Variants in ADAM10 observed in about 807,000 individuals in gnomAD.
ADAM10 encodes the protein disintegrin and metalloproteinase domain-containing protein 10.
A neutral mutation model predicts 90.1 loss-of-function variants in ADAM10; 17 were observed. That is an observed-to-expected ratio of 0.19 (90% CI 0.13 to 0.28). The LOEUF is 0.28. Ranked by LOEUF, ADAM10 falls within the 10% of genes least tolerant of loss-of-function variation. ADAM10 has a pLI of 1.00. For synonymous variants in ADAM10, 310 were observed against 298.6 expected (o/e 1.04, Z -0.40); for missense variants, 610 against 914.3 (o/e 0.67, Z 4.29).
chr15:58,641,051 C>A, intron 7 of ADAM10, 91 bp from the exon 8 acceptor site: 1 of 1,205,562 alleles, frequency 8.3e-7, no homozygotes, highest in East Asian at 2.5e-5. Flanking sequence ...TACACCTGGA[C>A]AATATGCTCC....
intron 5 of ADAM10, among the ~76,000 whole-genome samples, chr15:58,653,709 G>C (rs1053180060): frequency 6.6e-6 from 1 of 152,108 alleles, no homozygotes; most frequent in Non-Finnish European, 1.5e-5. Flanking sequence ...TTTGGTATCA[G>C]AGTAATACTG....
At chr15:58,706,274 G>A (rs1898285012) in intron 2 of ADAM10, among the ~76,000 whole-genome samples, 1 of 152,162 alleles carries the variant, frequency 6.6e-6, no homozygotes, top group Admixed American at 6.5e-5. Flanking sequence ...GAGTAATCCA[G>A]GAGTCCCAGA....
chr15:58,595,165 G>C lies in ADAM10; in HGVS notation c.*2382C>G, dbSNP rs1434945100. On this transcript the variant is annotated 3_prime_UTR_variant, in exon 16 of 16. Coordinates refer to ENST00000260408, the MANE Select transcript of ADAM10 (RefSeq NM_001110.4). ...CACCTCTTCCACCAAGACAAGCACT[G>C]AATATTGATTAGAAACAATGTAATG... 6.6e-6 allele frequency: 1 copy of C among 152,016 alleles called. No individual in the cohort carries two copies. The highest frequency in any genetic ancestry group is 2.4e-5 in the African/African-American group (1 of 41,406). The allele number at this position is 152,016 out of a possible 1,614,324, so 9.4% of individuals were successfully genotyped here.
intron 8 of ADAM10, among the ~76,000 whole-genome samples, chr15:58,636,965 G>A (rs1037977019): frequency 4.6e-5 from 7 of 152,170 alleles, no homozygotes; most frequent in African/African-American, 1.7e-4. Flanking sequence ...ACATGCAATG[G>A]GTAGGGATCA....
At chr15:58,717,895 G>A (rs1898718528) in intron 1 of ADAM10, among the ~76,000 whole-genome samples, 168 bp from the exon 2 acceptor site, 1 of 152,110 alleles carries the variant, frequency 6.6e-6, no homozygotes, top group Non-Finnish European at 1.5e-5. Context: ...AAAACTTATT[G>A]TGAGGGTAAT....
intron 5 of ADAM10, among the ~76,000 whole-genome samples, chr15:58,647,246 GTATTTT>G (rs1896570786): frequency 2.7e-5 from 1 of 36,828 alleles, no homozygotes; most frequent in African/African-American, 7.4e-5. Context: ...TAGACACTAA[GTATTTT>G]TTTTTTTTTT....
chr15:58,676,899 G>A (rs559842966), intron 4 of ADAM10, among the ~76,000 whole-genome samples: 8 of 152,112 alleles, frequency 5.3e-5, no homozygotes, highest in Non-Finnish European at 8.8e-5. Context: ...GGCTGTTCTC[G>A]TGCTACAATG....
intron 11 of ADAM10, among the ~76,000 whole-genome samples, chr15:58,615,637 G>A (rs1452176092): frequency 6.6e-6 from 1 of 152,102 alleles, no homozygotes; most frequent in Non-Finnish European, 1.5e-5. Context: ...AACAGAAGAA[G>A]ATATTTCACT....
At chr15:58,714,918 A>C (rs1179207889) in intron 2 of ADAM10, among the ~76,000 whole-genome samples, 2 of 152,156 alleles carry the variant, frequency 1.3e-5, no homozygotes, top group African/African-American at 4.8e-5. Context: ...GCCTATTTTC[A>C]AGGAAAGGGA....
intron 4 of ADAM10, 73 bp downstream of exon 4, chr15:58,679,051 C>T: frequency 1.4e-6 from 2 of 1,420,212 alleles, no homozygotes; most frequent in Non-Finnish European, 1.9e-6. Flanking sequence ...GCTAATGCTT[C>T]ATTTGTCTCC....
At chr15:58,691,373 G>A (rs771502233) in intron 2 of ADAM10, 21 of 881,956 alleles carry the variant, frequency 2.4e-5, no homozygotes, top group African/African-American at 6.6e-5. Context: ...ATATTACCTC[G>A]AAGCCCTTCT....
intron 1 of ADAM10, among the ~76,000 whole-genome samples, chr15:58,736,168 T>C (rs1293426373): frequency 6.6e-6 from 1 of 152,192 alleles, no homozygotes; most frequent in Admixed American, 6.5e-5. Context: ...GAGGCCATAA[T>C]GATGCAGTAA....
At chr15:58,673,051 A>T (rs1897234830) in intron 4 of ADAM10, 1 of 180,848 alleles carries the variant, frequency 5.5e-6, no homozygotes, top group South Asian at 1.3e-4. Flanking sequence ...CTGTACAGTT[A>T]ACACACTAAC....
chr15:58,624,897 T>A (rs1357309387), intron 10 of ADAM10, among the ~76,000 whole-genome samples: 3 of 152,040 alleles, frequency 2.0e-5, no homozygotes, highest in Non-Finnish European at 4.4e-5. Context: ...TAAGAAAAAA[T>A]TTTCTTTCCT....
At chr15:58,704,245 G>A (rs2140795163) in intron 2 of ADAM10, 2 of 152,284 alleles carry the variant, frequency 1.3e-5, no homozygotes. Context: ...ACATATATGA[G>A]GTACCTAGAA....
At chr15:58,650,482 T>A (rs1291626941) in intron 5 of ADAM10, among the ~76,000 whole-genome samples, 1 of 152,132 alleles carries the variant, frequency 6.6e-6, no homozygotes, top group Non-Finnish European at 1.5e-5. Context: ...TAGGGAGTAG[T>A]CCTTCAAGGT....
intron 5 of ADAM10, among the ~76,000 whole-genome samples, chr15:58,646,415 T>C (rs1896550335): frequency 1.3e-5 from 2 of 152,212 alleles, no homozygotes; most frequent in South Asian, 2.1e-4. Flanking sequence ...CCTTCACTTT[T>C]AAACATTTTC....
chr15:58,742,145 C>T (rs1423522846), intron 1 of ADAM10, among the ~76,000 whole-genome samples: 1 of 152,170 alleles, frequency 6.6e-6, no homozygotes, highest in Non-Finnish European at 1.5e-5. Context: ...TGTGGCTTCA[C>T]GACTCCTAAC....
At chr15:58,639,481 T>C (rs940090617) in intron 8 of ADAM10, among the ~76,000 whole-genome samples, 24 of 152,292 alleles carry the variant, frequency 1.6e-4, no homozygotes, top group East Asian at 7.7e-4. Context: ...CATCCAACCA[T>C]TGAAGGGGCA....
Sources: gnomAD v4.1 joint callset for allele counts (sites outside exome capture counted in the v4.1 genomes callset) on GRCh38, gnomAD v4.1.1 for gene constraint, MANE v1.5 for transcripts, NCBI Gene and HGNC (gene_info 2026-07-23, HGNC 2026-07-21) for gene names.